SPOP: variants seen among roughly 807,000 people sequenced by gnomAD.
SPOP encodes the protein speckle-type POZ protein.
In SPOP, 11 loss-of-function variants were observed where a neutral mutation model predicts 45.6. The observed-to-expected ratio is 0.24, with a 90% confidence interval of 0.15 to 0.40. SPOP has a LOEUF of 0.40. Among genes scored for constraint, SPOP ranks in the 10% least tolerant of loss-of-function variants. The pLI is 1.00. For synonymous variants in SPOP, 166 were observed against 166.3 expected (o/e 1.00, Z 0.01); for missense variants, 152 against 465.6 (o/e 0.33, Z 6.20).
intron 1 of SPOP, among the ~76,000 whole-genome samples, chr17:49,633,156 A>G (rs1346662154): frequency 6.6e-6 from 1 of 152,204 alleles, no homozygotes; most frequent in Non-Finnish European, 1.5e-5. Context: ...TTCTTAGGTA[A>G]GTATAGATTC....
At chr17:49,631,078 T>G (rs2143370387) in intron 1 of SPOP, among the ~76,000 whole-genome samples, 1 of 152,382 alleles carries the variant, frequency 6.6e-6, no homozygotes, top group Admixed American at 6.5e-5. Context: ...GGGCAATGTC[T>G]ATCAAAGTAA....
At chr17:49,604,942 A>C (rs2071809442) in intron 8 of SPOP, among the ~76,000 whole-genome samples, 1 of 152,242 alleles carries the variant, frequency 6.6e-6, no homozygotes, top group African/African-American at 2.4e-5. Flanking sequence ...TTCCTGTTAG[A>C]AAATTCACAG....
At chr17:49,676,810 C>G (rs1339082566) in intron 1 of SPOP, among the ~76,000 whole-genome samples, 1 of 152,118 alleles carries the variant, frequency 6.6e-6, no homozygotes, top group African/African-American at 2.4e-5. Context: ...AACTGAAAAC[C>G]CAGGTCCTAG....
At chr17:49,649,049 G>A (rs894366964) in intron 1 of SPOP, among the ~76,000 whole-genome samples, 13 of 152,016 alleles carry the variant, frequency 8.6e-5, no homozygotes, top group Non-Finnish European at 1.3e-4. Flanking sequence ...GAGCCACCGC[G>A]CCCAGCCTGG....
chr17:49,605,484 G>A (rs1255583155), intron 8 of SPOP, among the ~76,000 whole-genome samples: 1 of 152,120 alleles, frequency 6.6e-6, no homozygotes, highest in Non-Finnish European at 1.5e-5. Flanking sequence ...GAGGTCAGGA[G>A]TTCGAGAGCA....
At chr17:49,653,500 G>A (rs904257596) in intron 1 of SPOP, among the ~76,000 whole-genome samples, 3 of 151,902 alleles carry the variant, frequency 2.0e-5, no homozygotes, top group Non-Finnish European at 2.9e-5. Context: ...TTACCCTGCC[G>A]AATGGTTTCC....
In SPOP at chr17:49,669,922, AT is replaced by A. The variant is rs35321066; in HGVS notation, c.-67+8010del. On this transcript the variant is annotated intron_variant, in intron 1 of 9. Transcript: ENST00000504102. ...TGAGGAGATGAATGATCACACATAC[AT>A]TTTTCCTCTTACAAATAAATAGATA... Among the ~76,000 whole-genome samples the A allele has an allele frequency of 8.5e-3, 1,289 of 152,196 alleles. 19 individuals carry two copies. The highest frequency in any genetic ancestry group is 0.029 in the African/African-American group (1,214 of 41,526).
At chr17:49,669,413 T>G (rs2073107558) in intron 1 of SPOP, among the ~76,000 whole-genome samples, 1 of 108,926 alleles carries the variant, frequency 9.2e-6, no homozygotes, top group Admixed American at 1.0e-4. Context: ...CCAAGAATGA[T>G]CAATAAAAAA....
At chr17:49,607,470 T>C (rs535222120) in intron 7 of SPOP, 98 bp from the exon 8 acceptor site, 2 of 1,438,040 alleles carry the variant, frequency 1.4e-6, no homozygotes, top group Admixed American at 2.5e-5. Context: ...GGAGAGAACT[T>C]TGTATCATTT....
chr17:49,611,657 C>A (rs2071975779), intron 5 of SPOP, among the ~76,000 whole-genome samples, 200 bp from the exon 6 acceptor site: 1 of 152,190 alleles, frequency 6.6e-6, no homozygotes. Context: ...TTATTCTATA[C>A]CATCTCAGGA....
At chr17:49,609,544 G>C (rs1290626412) in intron 6 of SPOP, among the ~76,000 whole-genome samples, 1 of 152,114 alleles carries the variant, frequency 6.6e-6, no homozygotes, top group Non-Finnish European at 1.5e-5. Flanking sequence ...AATGTATAAA[G>C]GGATTGGTGA....
intron 1 of SPOP, among the ~76,000 whole-genome samples, chr17:49,653,671 T>TC (rs2143500060): frequency 6.6e-6 from 1 of 151,990 alleles, no homozygotes; most frequent in East Asian, 1.9e-4. Context: ...GCATCTACCC[T>TC]CTTTGATACA....
At chr17:49,657,091 A>C (rs1383045141) in intron 1 of SPOP, among the ~76,000 whole-genome samples, 1 of 151,896 alleles carries the variant, frequency 6.6e-6, no homozygotes, top group Non-Finnish European at 1.5e-5. Flanking sequence ...AGGCTGAGGC[A>C]GGAGAATGTG....
chr17:49,668,772 T>C (rs1391809350), intron 1 of SPOP, among the ~76,000 whole-genome samples: 2 of 150,530 alleles, frequency 1.3e-5, no homozygotes, highest in African/African-American at 4.9e-5. Flanking sequence ...TATATATACA[T>C]ATCTTTTTTT....
At chr17:49,617,184 T>C (rs1179632685) in intron 5 of SPOP, among the ~76,000 whole-genome samples, 2 of 152,368 alleles carry the variant, frequency 1.3e-5, no homozygotes, top group South Asian at 2.1e-4. Flanking sequence ...CACTGCCAGA[T>C]GCAGTATTTA....
intron 1 of SPOP, among the ~76,000 whole-genome samples, chr17:49,637,197 C>T (rs186719264): frequency 3.9e-5 from 6 of 152,012 alleles, no homozygotes; most frequent in East Asian, 1.9e-4. Flanking sequence ...ATCATGCCAC[C>T]GCACTCCAGT....
chr17:49,665,892 G>A (rs947634381), intron 1 of SPOP, among the ~76,000 whole-genome samples: 35 of 151,008 alleles, frequency 2.3e-4, no homozygotes, highest in South Asian at 2.1e-4. Flanking sequence ...GCTGAGGCAG[G>A]AGAATTGCCT....
chr17:49,660,223 T>C (rs1420734094), intron 1 of SPOP, among the ~76,000 whole-genome samples: 1 of 152,268 alleles, frequency 6.6e-6, no homozygotes, highest in Non-Finnish European at 1.5e-5. Context: ...CCAGTCATGC[T>C]GGCCTCCTTG....
At position 49,622,036 on chromosome 17, in the gene SPOP, G is replaced by A; in HGVS notation, c.110C>T (p.Thr37Ile). ...IKVVKFSYMWTINNFSFCREE... is the reference protein window; with the variant it reads ...IKVVKFSYMWIINNFSFCREE... ...CCGGCAAAAGCTAAAGTTATTGATG[G>A]TCCACATGTAGGAGAATTTCACTAC... is the stretch of plus-strand genomic sequence containing the variant. The change falls in exon 3 of 10, where the codon ACC becomes ATC. Residue 37 changes from threonine (T) to isoleucine (I), a missense_variant. Thr to Ile is a moderately conservative substitution (Grantham distance 89). Transcript: ENST00000504102. The A allele has an allele frequency of 6.2e-7, 1 of 1,613,896 alleles. No homozygotes were observed. The highest frequency in any genetic ancestry group is 1.1e-5 in the South Asian group (1 of 91,082).
Sources: gnomAD v4.1 joint callset for allele counts (sites outside exome capture counted in the v4.1 genomes callset) on GRCh38, gnomAD v4.1.1 for gene constraint, MANE v1.5 for transcripts, NCBI Gene and HGNC (gene_info 2026-07-23, HGNC 2026-07-21) for gene names.